Variants in USP40 observed in about 807,000 individuals in gnomAD.
USP40 encodes the protein ubiquitin carboxyl-terminal hydrolase 40.
In USP40, 143 loss-of-function variants were observed where a neutral mutation model predicts 166.2. The observed-to-expected ratio is 0.86, with a 90% CI of 0.75 to 0.99. The LOEUF (loss-of-function observed/expected upper bound fraction) is 0.99, where lower values mean the gene tolerates loss of function less well. USP40 is among the 50% of genes least tolerant of loss of function. The pLI is 0.00. For synonymous variants in USP40, 498 were observed against 524.0 expected (o/e 0.95, Z 0.68); for missense variants, 1,444 against 1,479.7 (o/e 0.98, Z 0.40).
At position 233,556,945 on chromosome 2, in the gene USP40, G is replaced by A; in HGVS notation, c.456C>T (p.Thr152=). The A allele has an allele frequency of 1.2e-6, 2 of 1,613,930 alleles. No homozygotes were observed. Among genetic ancestry groups the A allele is most frequent in the South Asian group, 2.2e-5 (2 of 91,080 alleles). ...FSALETSLVG[T]SGHDLIYRLY... ...GACGATAGATGAGGTCATGACCGGA[G>A]GTCCCAACTAAAGAAGTTTCCAAAG... The change falls in exon 5 of 32, where the codon ACC becomes ACT. Residue 152 remains threonine, a synonymous_variant. Coordinates refer to ENST00000678225, the MANE Select transcript of USP40 (RefSeq NM_001365479.2).
At chr2:233,563,988 C>G (rs2071905731) in intron 2 of USP40, among the ~76,000 whole-genome samples, 1 of 152,136 alleles carries the variant, frequency 6.6e-6, no homozygotes, top group Non-Finnish European at 1.5e-5. Context: ...ATATTAAAAC[C>G]TGGAAAAGTG....
intron 30 of USP40, among the ~76,000 whole-genome samples, chr2:233,483,542 C>G (rs1425749567): frequency 6.6e-6 from 1 of 152,140 alleles, no homozygotes; most frequent in Non-Finnish European, 1.5e-5. Flanking sequence ...TTTCTTATGT[C>G]TTCTAAAGAT....
At chr2:233,558,123 T>C (rs1004366340) in intron 4 of USP40, among the ~76,000 whole-genome samples, 5 of 151,088 alleles carry the variant, frequency 3.3e-5, no homozygotes, top group African/African-American at 1.2e-4. Flanking sequence ...ATTTATCTAA[T>C]ATCACTGGCT....
chr2:233,485,634 A>G lies in USP40; in HGVS notation c.3409-8T>C, dbSNP rs1427994965. ...CTTGGTTATTTGTTGGTTCTATGGG[A>G]AAATCAAACATCTTAAATAAGCAAA... On this transcript the variant is annotated splice_polypyrimidine_tract_variant and splice_region_variant and intron_variant, in intron 29 of 31. Transcript: ENST00000678225. 1 of 1,611,202 alleles carries G rather than the reference A, an allele frequency of 6.2e-7. No homozygotes were observed. The highest frequency in any genetic ancestry group is 2.2e-5 in the East Asian group (1 of 44,864).
At chr2:233,481,145 AAG>A (rs754723098) in intron 31 of USP40, 56 bp downstream of exon 31, 24 of 1,467,904 alleles carry the variant, frequency 1.6e-5, no homozygotes, top group South Asian at 2.5e-5. Context: ...AAGCAGGAAT[AAG>A]AGAGAGTCAG....
rs1310909564 is a variant in USP40, at chr2:233,475,543, GTTTATT to G, written c.*1843_*1848del. 1 of 152,328 alleles carries G rather than the reference GTTTATT, an allele frequency of 6.6e-6. No homozygotes were observed. Among genetic ancestry groups the G allele is most frequent in the Non-Finnish European group, 1.5e-5 (1 of 68,042 alleles). 9.4% of individuals were successfully genotyped at this position (152,328 alleles called of 1,614,324 possible). A position where few individuals can be genotyped will look rare whatever the true frequency, so the allele number is the denominator to read the frequency against. Reference sequence around the variant, plus strand: ...CTAAGGGCTACAACTTTAAAAAATGGTTTATTTTTTTCTTTAACAAAATCGTACAGC... The same window carrying G: ...CTAAGGGCTACAACTTTAAAAAATGGTTTTTCTTTAACAAAATCGTACAGC... On this transcript the variant is annotated 3_prime_UTR_variant, in exon 32 of 32. Coordinates refer to ENST00000678225, the MANE Select transcript of USP40 (RefSeq NM_001365479.2).
chr2:233,516,513 C>T (rs758202530), intron 18 of USP40, among the ~76,000 whole-genome samples: 6 of 151,950 alleles, frequency 3.9e-5, no homozygotes, highest in Admixed American at 1.3e-4. Flanking sequence ...CTGGCTAACA[C>T]GGTGAAACCC....
At chr2:233,504,354 G>A (rs1384066352) in intron 21 of USP40, among the ~76,000 whole-genome samples, 1 of 151,752 alleles carries the variant, frequency 6.6e-6, no homozygotes. Flanking sequence ...GACTGAATGG[G>A]TTAAAAAAAA....
At chr2:233,515,690 T>G (rs1313727409) in intron 18 of USP40, among the ~76,000 whole-genome samples, 1 of 152,214 alleles carries the variant, frequency 6.6e-6, no homozygotes, top group African/African-American at 2.4e-5. Flanking sequence ...AAAATTTTAA[T>G]GTAAATTAAT....
chr2:233,491,257 A>C lies in USP40; in HGVS notation c.2922T>G (p.Ala974=). The C allele has an allele frequency of 1.9e-6, 3 of 1,610,346 alleles. No individual in the cohort carries two copies. The highest frequency in any genetic ancestry group is 2.5e-6 in the Non-Finnish European group (3 of 1,177,962). The change falls in exon 26 of 32, where the codon GCT becomes GCG. Residue 974 remains alanine (A), a synonymous_variant. Transcript: ENST00000678225. The stretch of plus-strand genomic sequence containing the variant: ...AAACTTGCGCAGGCTCGTTCCCAGA[A>C]GCACCTTCCAAAGGACAGAGCGGGA... ...RVWRATSSQG[A]SGNEPAQVSL...
At chr2:233,543,828 C>T (rs550174845) in intron 8 of USP40, among the ~76,000 whole-genome samples, 15 of 152,206 alleles carry the variant, frequency 9.9e-5, no homozygotes, top group Non-Finnish European at 4.4e-5. Context: ...ACTAAGACAC[C>T]GATCTTGCTG....
At chr2:233,511,141 C>G (rs181141489) in intron 20 of USP40, among the ~76,000 whole-genome samples, 1 of 152,258 alleles carries the variant, frequency 6.6e-6, no homozygotes, top group East Asian at 1.9e-4. Context: ...CTGTAATAAG[C>G]TGATTAGCTG....
chr2:233,481,860 C>T (rs562738522), intron 30 of USP40, among the ~76,000 whole-genome samples: 1 of 152,232 alleles, frequency 6.6e-6, no homozygotes, highest in Non-Finnish European at 1.5e-5. Context: ...TTGTTTTCCA[C>T]ACGCATGTTA....
At chr2:233,529,393 G>A (rs368111016) in intron 12 of USP40, 38 bp downstream of exon 12, 61 of 1,498,610 alleles carry the variant, frequency 4.1e-5, no homozygotes, top group South Asian at 3.7e-5. Context: ...TTTATTCTCC[G>A]GAATACTAGT....
intron 4 of USP40, among the ~76,000 whole-genome samples, chr2:233,557,547 T>G (rs936902469): frequency 6.6e-6 from 1 of 152,220 alleles, no homozygotes; most frequent in African/African-American, 2.4e-5. Context: ...CACGCAGTTG[T>G]GTGTGAACTT....
At chr2:233,540,542 C>A in intron 10 of USP40, 120 bp downstream of exon 10, 1 of 616,916 alleles carries the variant, frequency 1.6e-6, no homozygotes, top group Non-Finnish European at 2.9e-6. Context: ...AGCCATTATA[C>A]AAATACGGTG....
chr2:233,559,872 A>G lies in USP40; in HGVS notation c.320T>C (p.Leu107Ser). Residue 107 changes from leucine (L) to serine (S), a missense_variant, in exon 4 of 32, where the codon TTA (leucine) becomes TCA (serine). Coordinates refer to ENST00000678225, the MANE Select transcript of USP40 (RefSeq NM_001365479.2). ...LQRLFAQLLL[L>S]DQEAASTADL... Reference sequence around the variant, plus strand: ...TGCTGTGGATGCAGCTTCCTGGTCTAAGAGCAGAAGCTGAGCAAACAAGCG... The same window carrying G: ...TGCTGTGGATGCAGCTTCCTGGTCTGAGAGCAGAAGCTGAGCAAACAAGCG... 6.2e-7 allele frequency: 1 copy of G among 1,610,630 alleles called. No homozygotes were observed.
intron 2 of USP40, 129 bp from the exon 3 acceptor site, chr2:233,562,932 C>T (rs746313230): frequency 1.7e-6 from 1 of 587,304 alleles, no homozygotes; most frequent in Admixed American, 3.3e-5. Context: ...AATATTTATA[C>T]CTTACTCTAT....
At chr2:233,529,808 C>CTTT in intron 11 of USP40, among the ~76,000 whole-genome samples, 2 of 123,768 alleles carry the variant, frequency 1.6e-5, no homozygotes, top group Non-Finnish European at 1.7e-5. Context: ...TTTTCTTTTT[C>CTTT]TTTTTCTTTT....
Sources: gnomAD v4.1 joint callset for allele counts (sites outside exome capture counted in the v4.1 genomes callset) on GRCh38, gnomAD v4.1.1 for gene constraint, MANE v1.5 for transcripts, NCBI Gene and HGNC (gene_info 2026-07-23, HGNC 2026-07-21) for gene names.